TTC39B: variants seen among roughly 807,000 people sequenced by gnomAD.
TTC39B encodes tetratricopeptide repeat domain 39B.
In TTC39B, 92 loss-of-function variants were observed where a neutral mutation model predicts 96.6. The ratio of observed to expected loss-of-function variants is 0.95; its 90% confidence interval spans 0.80 to 1.13. The LOEUF (loss-of-function observed/expected upper bound fraction) is 1.13. Ranked by LOEUF, TTC39B falls within the 50% of genes most tolerant of loss-of-function variation. TTC39B has a pLI of 0.00. For synonymous variants in TTC39B, 367 were observed against 299.4 expected, an observed-to-expected ratio of 1.23 and a Z score of -2.33; for missense variants, 955 against 809.3, an observed-to-expected ratio of 1.18 and a Z score of -2.18.
intron 6 of TTC39B, among the ~76,000 whole-genome samples, chr9:15,207,428 T>A (rs528406863): frequency 6.6e-6 from 1 of 152,120 alleles, no homozygotes; most frequent in Non-Finnish European, 1.5e-5. Context: ...AACACAGAAA[T>A]AATTCATTAT....
At position 15,224,179 on chromosome 9, in the gene TTC39B, C is replaced by T. The variant is rs190462471; in HGVS notation, c.371+1738G>A. 2.6e-5 allele frequency among the ~76,000 whole-genome samples: 4 copies of T among 152,322 alleles called. No homozygotes were observed. The East Asian group carries it at 7.7e-4, about 29-fold the overall frequency. ...CCCTACTTCCCCACCTCCCACTGAC[C>T]TTTAGCCATGCTGCCTGACTCCTGC... On this transcript the variant is annotated intron_variant, in intron 3 of 19. Transcript: ENST00000512701.
chr9:15,173,258 C>T (rs576552931), intron 19 of TTC39B, among the ~76,000 whole-genome samples: 1 of 152,230 alleles, frequency 6.6e-6, no homozygotes, highest in East Asian at 1.9e-4. Flanking sequence ...TGGTCATACT[C>T]CCAACAAATT....
intron 2 of TTC39B, among the ~76,000 whole-genome samples, chr9:15,266,666 A>G (rs1823142378): frequency 6.6e-6 from 1 of 152,266 alleles, no homozygotes; most frequent in East Asian, 1.9e-4. Flanking sequence ...CTGTACATGC[A>G]CATGTTCAAG....
intron 2 of TTC39B, among the ~76,000 whole-genome samples, chr9:15,254,555 T>C (rs1259165093): frequency 1.3e-5 from 2 of 152,148 alleles, no homozygotes; most frequent in East Asian, 1.9e-4. Flanking sequence ...TTCTATGGGA[T>C]TGTCTGAAAA....
chr9:15,179,089 C>T (rs900443868), intron 17 of TTC39B, among the ~76,000 whole-genome samples: 2 of 152,186 alleles, frequency 1.3e-5, no homozygotes, highest in East Asian at 3.9e-4. Context: ...TGCTCTCTGC[C>T]TTCTACAGCC....
At chr9:15,225,161 A>G (rs1045329475) in intron 3 of TTC39B, among the ~76,000 whole-genome samples, 9 of 152,214 alleles carry the variant, frequency 5.9e-5, no homozygotes, top group Non-Finnish European at 1.0e-4. Context: ...ACCAAGTATG[A>G]TACCACAGAA....
chr9:15,284,810 T>C (rs1823897049), intron 1 of TTC39B, among the ~76,000 whole-genome samples: 1 of 152,170 alleles, frequency 6.6e-6, no homozygotes, highest in South Asian at 2.1e-4. Context: ...ACAGTGAGAA[T>C]AATTTTATGT....
chr9:15,193,409 A>C (rs1428201944), intron 8 of TTC39B, among the ~76,000 whole-genome samples: 1 of 152,248 alleles, frequency 6.6e-6, no homozygotes, highest in African/African-American at 2.4e-5. Flanking sequence ...ATATATTTTT[A>C]ATAATAAGGA....
At chr9:15,227,438 T>C (rs1821186534) in intron 2 of TTC39B, among the ~76,000 whole-genome samples, 1 of 152,190 alleles carries the variant, frequency 6.6e-6, no homozygotes, top group Non-Finnish European at 1.5e-5. Context: ...TTATCTTGGA[T>C]ATATCAAGTT....
intron 2 of TTC39B, among the ~76,000 whole-genome samples, chr9:15,246,554 GTC>G (rs1294647048): frequency 6.6e-6 from 1 of 152,176 alleles, no homozygotes; most frequent in Non-Finnish European, 1.5e-5. Context: ...AATCAAGGTG[GTC>G]TCTGTGACTA....
intron 17 of TTC39B, among the ~76,000 whole-genome samples, chr9:15,181,380 T>C (rs1260132382): frequency 6.6e-6 from 1 of 152,150 alleles, no homozygotes; most frequent in East Asian, 1.9e-4. Context: ...ACAAAGGCTA[T>C]CACTTATGGC....
chr9:15,176,826 C>T (rs1157805108), intron 18 of TTC39B, among the ~76,000 whole-genome samples: 1 of 152,134 alleles, frequency 6.6e-6, no homozygotes, highest in African/African-American at 2.4e-5. Flanking sequence ...AGTAAGGTTA[C>T]ATATCTGGCC....
chr9:15,270,263 G>C (rs747740684), intron 1 of TTC39B, among the ~76,000 whole-genome samples: 8 of 152,122 alleles, frequency 5.3e-5, no homozygotes, highest in Non-Finnish European at 1.0e-4. Flanking sequence ...TACTCCATAA[G>C]GGAGGTAAAA....
chr9:15,216,874 A>G (rs1449631019), intron 3 of TTC39B, among the ~76,000 whole-genome samples: 1 of 152,196 alleles, frequency 6.6e-6, no homozygotes, highest in Non-Finnish European at 1.5e-5. Context: ...GCACAAGTAG[A>G]CCAAGAACTG....
At chr9:15,216,856 A>G (rs1021137891) in intron 3 of TTC39B, among the ~76,000 whole-genome samples, 3 of 152,214 alleles carry the variant, frequency 2.0e-5, no homozygotes, top group Non-Finnish European at 4.4e-5. Flanking sequence ...AGAAGGGAAG[A>G]CAGATTTGCA....
rs186382563 is a variant in TTC39B at position 15,255,208 on chromosome 9, T to G, written c.275+12706A>C. 6.4e-4 allele frequency among the ~76,000 whole-genome samples: 97 copies of G among 152,278 alleles called. No homozygotes were observed. The South Asian group carries it at 0.013, about 20-fold the overall frequency. On this transcript the variant is annotated intron_variant, in intron 2 of 19. Transcript: ENST00000512701. ...TAAATCCCCAAATATCTCTTCAGTT[T>G]TAGGCAATTTCAGGGTTCTTCCAAT...
chr9:15,244,854 C>T (rs1237000189), intron 2 of TTC39B, among the ~76,000 whole-genome samples: 1 of 152,154 alleles, frequency 6.6e-6, no homozygotes, highest in Admixed American at 6.5e-5. Context: ...TAAAATATCA[C>T]CACCTAAAAC....
intron 3 of TTC39B, among the ~76,000 whole-genome samples, chr9:15,221,785 A>G (rs1021128050): frequency 6.6e-6 from 1 of 152,200 alleles, no homozygotes; most frequent in Non-Finnish European, 1.5e-5. Context: ...CATGATATAT[A>G]AATTCCTTTA....
At chr9:15,229,371 T>C (rs1199347169) in intron 2 of TTC39B, among the ~76,000 whole-genome samples, 1 of 152,222 alleles carries the variant, frequency 6.6e-6, no homozygotes, top group African/African-American at 2.4e-5. Flanking sequence ...TTTAATTCCC[T>C]AGGGAGTATA....
Sources: allele counts gnomAD v4.1 joint callset (sites outside exome capture counted in the v4.1 genomes callset), GRCh38; gene constraint gnomAD v4.1.1; transcripts MANE v1.5; gene names NCBI Gene and HGNC (gene_info 2026-07-23, HGNC 2026-07-21).